The following SEC14L2 variants were observed in gnomAD, a reference collection of about 807,000 sequenced individuals.
The protein encoded by SEC14L2 is SEC14 like lipid binding 2.
In SEC14L2, 50 loss-of-function variants were observed where a neutral mutation model predicts 56.9. The observed-to-expected ratio is 0.88, with a 90% CI of 0.70 to 1.11. The LOEUF (loss-of-function observed/expected upper bound fraction) is 1.11. Among genes scored for constraint, SEC14L2 ranks in the 50% most tolerant of loss-of-function variants. The pLI, the probability that SEC14L2 is intolerant of heterozygous loss-of-function variation, is 0.00. For missense variants in SEC14L2, 414 were observed against 500.7 expected, an observed-to-expected ratio of 0.83 and a Z score of 1.65; for synonymous variants, 179 against 188.5, an observed-to-expected ratio of 0.95 and a Z score of 0.41.
intron 11 of SEC14L2, 117 bp from the exon 12 acceptor site, chr22:30,422,160 C>A: frequency 7.8e-7 from 1 of 1,285,206 alleles, no homozygotes; most frequent in Non-Finnish European, 1.1e-6. Flanking sequence ...AGGCTACCTT[C>A]ATCCCCATGA....
chr22:30,419,278 G>T (rs1020593868), intron 11 of SEC14L2, among the ~76,000 whole-genome samples: 1 of 152,348 alleles, frequency 6.6e-6, no homozygotes, highest in South Asian at 2.1e-4. Context: ...ATGGCCGGGC[G>T]TGGTGGCTCA....
At chr22:30,398,009 G>A (rs1473281562) in intron 1 of SEC14L2, 3 of 394,088 alleles carry the variant, frequency 7.6e-6, no homozygotes, top group Middle Eastern at 4.3e-4. Context: ...GGCAAGAGCC[G>A]ATAGGGTCTG....
rs2070461836 is a variant in SEC14L2 at position 30,404,691 on chromosome 22, G to C, written c.131-1651G>C. 1.3e-5 allele frequency among the ~76,000 whole-genome samples: 2 copies of C among 152,222 alleles called. 1 individual carries two copies. Among genetic ancestry groups the C allele is most frequent in the South Asian group, 4.1e-4 (2 of 4,832 alleles). On this transcript the variant is annotated intron_variant, in intron 2 of 11. Transcript: ENST00000615189. The stretch of plus-strand genomic sequence containing the variant: ...TCTCCTCTCCATGTATGCAATGGAG[G>C]CTTAGCAGTGGCACAGGTGAAAAGG...
At chr22:30,415,924 G>C in intron 9 of SEC14L2, 24 bp from the exon 10 acceptor site, 1 of 1,614,134 alleles carries the variant, frequency 6.2e-7, no homozygotes, top group Non-Finnish European at 8.5e-7. Flanking sequence ...GCACATTCCA[G>C]TTCACTCCAT....
rs149624005 is a variant in SEC14L2 at position 30,412,727 on chromosome 22, G to A, written c.664+2048G>A. 1.2e-3 allele frequency among the ~76,000 whole-genome samples: 181 copies of A among 151,772 alleles called. 6 individuals are homozygous for A. In the East Asian group the frequency reaches 0.031, roughly 26 times the overall value. On this transcript the variant is annotated intron_variant, in intron 8 of 11. Coordinates refer to ENST00000615189, the MANE Select transcript of SEC14L2 (RefSeq NM_012429.5). Reference sequence around the variant, plus strand: ...TAGTCCCAGCTACATGGGAGGGTGAGGTGGGAGGATCGCTTAGCCCAGGAG... The same window carrying A: ...TAGTCCCAGCTACATGGGAGGGTGAAGTGGGAGGATCGCTTAGCCCAGGAG...
chr22:30,407,827 C>A (rs371589614), intron 5 of SEC14L2, among the ~76,000 whole-genome samples: 39 of 152,076 alleles, frequency 2.6e-4, no homozygotes, highest in African/African-American at 9.2e-4. Context: ...CCTCGGACTC[C>A]CAAAGTGCTG....
chr22:30,407,854 C>A (rs1366907978), intron 5 of SEC14L2, among the ~76,000 whole-genome samples: 2 of 152,068 alleles, frequency 1.3e-5, no homozygotes, highest in African/African-American at 4.8e-5. Context: ...CAGGTGTGAG[C>A]CACTGGACCT....
At chr22:30,413,059 G>A (rs1934294833) in intron 8 of SEC14L2, among the ~76,000 whole-genome samples, 1 of 152,112 alleles carries the variant, frequency 6.6e-6, no homozygotes, top group Non-Finnish European at 1.5e-5. Flanking sequence ...GGGAATACCT[G>A]AGTTTGAAGC....
At chr22:30,416,180 C>T (rs1375371552) in intron 10 of SEC14L2, 54 bp from the exon 11 acceptor site, 11 of 1,608,814 alleles carry the variant, frequency 6.8e-6, no homozygotes, top group Admixed American at 1.7e-5. Context: ...GCCAGGACCC[C>T]GGAGAGGGCA....
At chr22:30,402,037 GC>G (rs1233198673) in intron 2 of SEC14L2, among the ~76,000 whole-genome samples, 1 of 152,114 alleles carries the variant, frequency 6.6e-6, no homozygotes, top group Non-Finnish European at 1.5e-5. Flanking sequence ...ACATCTGAGG[GC>G]AGATCCATCC....
intron 8 of SEC14L2, among the ~76,000 whole-genome samples, chr22:30,413,847 C>T (rs1384812703): frequency 6.7e-6 from 1 of 150,166 alleles, no homozygotes; most frequent in African/African-American, 2.4e-5. Context: ...CAAAAGCATT[C>T]TTTTTTCTTT....
rs1479750861 is a variant in SEC14L2, at chr22:30,403,929, G to C, written c.131-2413G>C. ...GAGGCAGGAGAATGGCGTGAACCCG[G>C]GAAGCGGAGCTTGCAGTGAGCTGAG... On this transcript the variant is annotated intron_variant, in intron 2 of 11. Transcript: ENST00000615189. Among the ~76,000 whole-genome samples, 9 of 150,254 alleles carry C rather than the reference G, an allele frequency of 6.0e-5. 2 individuals carry two copies. The highest frequency in any genetic ancestry group is 6.0e-4 in the Admixed American group (9 of 15,050).
intron 2 of SEC14L2, among the ~76,000 whole-genome samples, chr22:30,402,004 C>T (rs529983160): frequency 4.6e-5 from 7 of 152,240 alleles, no homozygotes; most frequent in African/African-American, 1.7e-4. Context: ...AGAGCTGGCA[C>T]GCTCCTGAGA....
At chr22:30,415,702 G>A (rs999077003) in intron 8 of SEC14L2, 57 bp from the exon 9 acceptor site, 4 of 1,496,846 alleles carry the variant, frequency 2.7e-6, no homozygotes, top group South Asian at 2.3e-5. Context: ...TAGGGTTATG[G>A]CGAAATCTTA....
intron 2 of SEC14L2, chr22:30,400,122 C>G (rs1052560610): frequency 1.7e-5 from 3 of 175,034 alleles, no homozygotes; most frequent in African/African-American, 7.1e-5. Context: ...GAGTCCTGGC[C>G]CCTGCTATGC....
In SEC14L2 at chr22:30,424,742, C is replaced by T. The variant is rs1280696635; in HGVS notation, c.*2335C>T. ...CTAGGATTTGAACCCAGGATTGTCT[C>T]CAACGCCGCTCAATTATACCCGCCA... On this transcript the variant is annotated 3_prime_UTR_variant, in exon 12 of 12. Coordinates refer to ENST00000615189, the MANE Select transcript of SEC14L2 (RefSeq NM_012429.5). 2 of 456,474 alleles carry T rather than the reference C, an allele frequency of 4.4e-6. No individual in the cohort carries two copies. Among genetic ancestry groups the T allele is most frequent in the Non-Finnish European group, 8.8e-6 (2 of 226,976 alleles). 28.3% of individuals were successfully genotyped at this position (456,474 alleles called of 1,614,324 possible).
intron 5 of SEC14L2, among the ~76,000 whole-genome samples, chr22:30,408,119 AAG>A (rs1569207889): frequency 2.6e-5 from 4 of 152,056 alleles, no homozygotes; most frequent in South Asian, 2.1e-4. Context: ...AAAAAAAAAA[AAG>A]GAGTCCTTTA....
At chr22:30,417,706 T>C (rs1934422975) in intron 11 of SEC14L2, among the ~76,000 whole-genome samples, 1 of 152,190 alleles carries the variant, frequency 6.6e-6, no homozygotes. Flanking sequence ...AGAAGGGCCA[T>C]CCTGCAGACA....
At chr22:30,417,942 T>G (rs1601787272) in intron 11 of SEC14L2, among the ~76,000 whole-genome samples, 1 of 152,068 alleles carries the variant, frequency 6.6e-6, no homozygotes. Context: ...AGGCGGAATA[T>G]TCTTATTAGT....
Sources: gnomAD v4.1 joint callset for allele counts (sites outside exome capture counted in the v4.1 genomes callset) on GRCh38, gnomAD v4.1.1 for gene constraint, MANE v1.5 for transcripts, NCBI Gene and HGNC (gene_info 2026-07-23, HGNC 2026-07-21) for gene names.